ARHGAP29: variants seen among roughly 807,000 people sequenced by gnomAD.
The protein encoded by ARHGAP29 is rho GTPase-activating protein 29.
In ARHGAP29, 43 loss-of-function variants were observed where a neutral mutation model predicts 122.6. That is an observed-to-expected ratio of 0.35 (90% CI 0.27 to 0.45). The LOEUF (loss-of-function observed/expected upper bound fraction) is 0.45. Ranked by LOEUF, ARHGAP29 falls within the 20% of genes least tolerant of loss-of-function variation. ARHGAP29 has a pLI of 1.00. For missense variants in ARHGAP29, 1,303 were observed against 1,477.2 expected (o/e 0.88, Z 1.93); for synonymous variants, 506 against 497.1 (o/e 1.02, Z -0.24).
intron 1 of ARHGAP29, among the ~76,000 whole-genome samples, chr1:94,256,379 G>C (rs1654346683): frequency 6.6e-6 from 1 of 152,012 alleles, no homozygotes; most frequent in Non-Finnish European, 1.5e-5. Context: ...AATGGGCAGA[G>C]AAAGAAAATG....
At chr1:94,237,608 T>TA (rs1481313003), upstream of ARHGAP29, 24 of 987,404 alleles carry the variant, frequency 2.4e-5, no homozygotes, top group Non-Finnish European at 2.9e-5. Flanking sequence ...CCCCTGCAGC[T>TA]ACCGCCACGG....
intron 3 of ARHGAP29, among the ~76,000 whole-genome samples, chr1:94,219,412 A>G (rs1445976085): frequency 1.3e-5 from 2 of 152,120 alleles, no homozygotes; most frequent in East Asian, 3.9e-4. Flanking sequence ...CTATACATCA[A>G]CAATTCCCAA....
chr1:94,179,810 T>C lies in ARHGAP29; in HGVS notation c.2395A>G (p.Ile799Val). The stretch of plus-strand genomic sequence containing the variant: ...AGAAGGTCTTTGCTTTTTAGAAGAA[T>C]TCGGTTTATTTCTATACACATATTT... The part of the protein sequence containing the change: ...WPNMCIEINR[I>V]LLKSKDLLRQ... Residue 799 changes from isoleucine to valine, a missense_variant, in exon 20 of 23, where the codon ATT becomes GTT. Physicochemically the swap from Ile to Val is conservative, Grantham distance 29. This residue lies in a region of ARHGAP29 where 620 missense variants were observed against 651.2 expected (regional missense o/e 0.95). Coordinates refer to ENST00000260526, the MANE Select transcript of ARHGAP29 (RefSeq NM_004815.4). 11 of 1,613,578 alleles carry C rather than the reference T, an allele frequency of 6.8e-6. No homozygotes were observed. The highest frequency in any genetic ancestry group is 9.3e-6 in the Non-Finnish European group (11 of 1,179,752).
chr1:94,292,247 C>T, the ARHGAP29 span, among the ~76,000 whole-genome samples: 1 of 152,180 alleles, frequency 6.6e-6, no homozygotes, highest in Non-Finnish European at 1.5e-5. Context: ...ATCAAATTGG[C>T]TACTGAAGCC....
chr1:94,203,052 C>A, intron 9 of ARHGAP29, 48 bp downstream of exon 9: 1 of 1,597,398 alleles, frequency 6.3e-7, no homozygotes, highest in Admixed American at 1.7e-5. Flanking sequence ...TAATGGCATG[C>A]CATTGCTTAA....
intron 1 of ARHGAP29, among the ~76,000 whole-genome samples, chr1:94,268,101 A>G (rs1654844456): frequency 6.6e-6 from 1 of 152,126 alleles, no homozygotes; most frequent in South Asian, 2.1e-4. Flanking sequence ...TGTTTAATAC[A>G]TTTATTTTTA....
chr1:94,284,543 A>G, the ARHGAP29 span, among the ~76,000 whole-genome samples: 2 of 152,220 alleles, frequency 1.3e-5, no homozygotes, highest in Non-Finnish European at 2.9e-5. Context: ...TTACTTCTGG[A>G]CAGAAGTTTT....
rs559763364 is a variant in ARHGAP29, at chr1:94,186,443, T to C, written c.1780+56A>G. On this transcript the variant is annotated intron_variant, in intron 16 of 22. Coordinates refer to ENST00000260526, the MANE Select transcript of ARHGAP29 (RefSeq NM_004815.4). ...AAATTATACTATTTATCTAATATCA[T>C]GCAGTGCTACTGATTGAGCTGGTTT... 5.6e-4 allele frequency: 667 copies of C among 1,198,710 alleles called. 4 individuals are homozygous for C. The highest frequency in any genetic ancestry group is 3.5e-5 in the Non-Finnish European group (29 of 819,502). The allele number at this position is 1,198,710 out of a possible 1,614,324, so 74.3% of individuals were successfully genotyped here.
chr1:94,227,606 CAATT>C (rs936796196), intron 2 of ARHGAP29, among the ~76,000 whole-genome samples: 46 of 151,814 alleles, frequency 3.0e-4, no homozygotes, highest in Admixed American at 1.2e-3. Flanking sequence ...CTTTCTAGCC[CAATT>C]AAAAGGCCTT....
intron 12 of ARHGAP29, among the ~76,000 whole-genome samples, chr1:94,199,014 T>A (rs557522882): frequency 2.0e-5 from 3 of 152,064 alleles, no homozygotes; most frequent in Admixed American, 6.5e-5. Flanking sequence ...CACCACATGT[T>A]CTCAATCATA....
At chr1:94,215,104 G>GAAAAAAAAAAAAAAA (rs199693229) in intron 3 of ARHGAP29, among the ~76,000 whole-genome samples, 5 of 83,640 alleles carry the variant, frequency 6.0e-5, no homozygotes, top group African/African-American at 7.5e-5. Flanking sequence ...GCATGAAAAG[G>GAAAAAAAAAAAAAAA]AAAAAAAAAA....
At chr1:94,305,379 A>G in the ARHGAP29 span, among the ~76,000 whole-genome samples, 2 of 152,180 alleles carry the variant, frequency 1.3e-5, no homozygotes, top group Admixed American at 1.3e-4. Context: ...CTGGGCAGAG[A>G]GAACAGCACT....
At chr1:94,291,955 T>A in the ARHGAP29 span, among the ~76,000 whole-genome samples, 1 of 152,216 alleles carries the variant, frequency 6.6e-6, no homozygotes, top group African/African-American at 2.4e-5. Flanking sequence ...TTGAGGAGTA[T>A]CTTTGTGGTG....
the ARHGAP29 span, chr1:94,302,243 C>A: frequency 4.0e-6 from 1 of 252,252 alleles, no homozygotes; most frequent in Non-Finnish European, 7.9e-6. Context: ...AATCCCATCA[C>A]CATCTTCCAG....
intron 2 of ARHGAP29, among the ~76,000 whole-genome samples, chr1:94,225,004 A>T (rs1299094793): frequency 6.6e-6 from 1 of 152,208 alleles, no homozygotes; most frequent in East Asian, 1.9e-4. Context: ...AATGAACATG[A>T]TGACTAAATA....
chr1:94,308,134 T>C, the ARHGAP29 span, among the ~76,000 whole-genome samples: 1 of 152,206 alleles, frequency 6.6e-6, no homozygotes, highest in Non-Finnish European at 1.5e-5. Context: ...TGTGCTACAA[T>C]CCTGGGGAGA....
At chr1:94,278,433 A>G (rs1226778720), upstream of ARHGAP29, among the ~76,000 whole-genome samples, 3 of 152,258 alleles carry the variant, frequency 2.0e-5, no homozygotes, top group African/African-American at 7.2e-5. Context: ...ACACAAAGCC[A>G]TCAGACTGTT....
chr1:94,286,252 A>G, the ARHGAP29 span, among the ~76,000 whole-genome samples: 2 of 152,130 alleles, frequency 1.3e-5, no homozygotes, highest in Non-Finnish European at 2.9e-5. Flanking sequence ...CACTCTTATT[A>G]CCTCATTTAA....
the ARHGAP29 span, among the ~76,000 whole-genome samples, chr1:94,282,254 G>GCTTT: frequency 8.0e-5 from 11 of 138,100 alleles, no homozygotes; most frequent in Admixed American, 4.7e-4. Flanking sequence ...AAGTGATAGT[G>GCTTT]CTTTATTTAT....
Sources: gnomAD v4.1 joint callset for allele counts (sites outside exome capture counted in the v4.1 genomes callset) on GRCh38, gnomAD v4.1.1 for gene constraint, gnomAD v4.1.1 regional missense constraint, MANE v1.5 for transcripts, NCBI Gene and HGNC (gene_info 2026-07-23, HGNC 2026-07-21) for gene names.